LIN52: variants seen among roughly 807,000 people sequenced by gnomAD.
LIN52 encodes the protein lin-52 DREAM MuvB core complex component, also known as protein lin-52 homolog.
A neutral mutation model predicts 18.5 loss-of-function variants in LIN52; 4 were observed. That is an observed-to-expected ratio of 0.22 (90% CI 0.11 to 0.49). LIN52 has a LOEUF of 0.49. LIN52 is among the 20% of genes least tolerant of loss of function. The pLI is 0.97. For synonymous variants in LIN52, 34 were observed against 45.5 expected (o/e 0.75, Z 1.02); for missense variants, 102 against 139.5 (o/e 0.73, Z 1.35).
At chr14:74,138,003 A>G (rs1217266474) in intron 5 of LIN52, among the ~76,000 whole-genome samples, 2 of 151,982 alleles carry the variant, frequency 1.3e-5, no homozygotes, top group Non-Finnish European at 2.9e-5. Flanking sequence ...TCCAATAACT[A>G]CTCTATTCCA....
chr14:74,097,404 C>T (rs2060820435), intron 3 of LIN52, among the ~76,000 whole-genome samples: 1 of 149,666 alleles, frequency 6.7e-6, no homozygotes, highest in South Asian at 2.1e-4. Context: ...GGCTATGTGA[C>T]AAGCTGCATT....
At chr14:74,130,108 A>G (rs2061052123) in intron 5 of LIN52, among the ~76,000 whole-genome samples, 1 of 151,986 alleles carries the variant, frequency 6.6e-6, no homozygotes, top group Non-Finnish European at 1.5e-5. Flanking sequence ...CCCGTGATTC[A>G]GTTATCTCCC....
chr14:74,190,389 CTTTTT>C (rs68037994), intron 5 of LIN52, among the ~76,000 whole-genome samples: 3 of 106,304 alleles, frequency 2.8e-5, no homozygotes, highest in Admixed American at 1.1e-4. Context: ...GCCTAAATAA[CTTTTT>C]TTTTTTTTTT....
intron 5 of LIN52, among the ~76,000 whole-genome samples, chr14:74,141,653 G>T (rs116140046): frequency 1.2e-3 from 188 of 152,328 alleles, no homozygotes; most frequent in African/African-American, 4.1e-3. Context: ...GGGAGGTAGT[G>T]TGAGTCTTGT....
Position 74,111,382 on chromosome 14 carries a change from A to G in LIN52, c.283+10144A>G, listed in dbSNP as rs527957868. ...TAGCTCACTGCAGCCTTGACCTCCC[A>G]GGTTCAAGCAATCCTCCCAGCCCAG... On this transcript the variant is annotated intron_variant, in intron 5 of 5. Coordinates refer to ENST00000555028, the MANE Select transcript of LIN52 (RefSeq NM_001024674.3). Among the ~76,000 whole-genome samples the G allele has an allele frequency of 2.1e-4, 32 of 151,766 alleles. 1 individual carries two copies. In the South Asian group the frequency reaches 6.7e-3, roughly 32 times the overall value.
chr14:74,087,413 C>CAA (rs59052804), intron 1 of LIN52, among the ~76,000 whole-genome samples: 68 of 100,154 alleles, frequency 6.8e-4, no homozygotes, highest in Admixed American at 1.1e-3. Flanking sequence ...GACTCCATTG[C>CAA]AAAAAAAAAA....
rs1292927675 is a variant in LIN52 at position 74,199,043 on chromosome 14, A to G, written c.*66A>G. On this transcript the variant is annotated 3_prime_UTR_variant, in exon 6 of 6. Transcript: ENST00000555028. Reference sequence around the variant, plus strand: ...GCTCCCTTCCCGGTGCACCTCTAACAATGCACACCTCACTGCTTGCTTGGG... The same window carrying G: ...GCTCCCTTCCCGGTGCACCTCTAACGATGCACACCTCACTGCTTGCTTGGG... 6.4e-6 allele frequency: 7 copies of G among 1,097,266 alleles called. No individual in the cohort carries two copies. The highest frequency in any genetic ancestry group is 9.8e-6 in the Non-Finnish European group (7 of 714,086). 68.0% of individuals were successfully genotyped at this position (1,097,266 alleles called of 1,614,324 possible).
intron 5 of LIN52, among the ~76,000 whole-genome samples, chr14:74,153,011 A>G (rs11628859): frequency 6.6e-6 from 1 of 151,034 alleles, no homozygotes; most frequent in Non-Finnish European, 1.5e-5. Context: ...ATTTTTATGT[A>G]TCAGATACTT....
chr14:74,141,921 A>G (rs942020971), intron 5 of LIN52, among the ~76,000 whole-genome samples: 5 of 152,224 alleles, frequency 3.3e-5, no homozygotes, highest in Admixed American at 6.5e-5. Context: ...ATTTGTCAGC[A>G]CGTGGAAATG....
At chr14:74,185,829 C>T (rs953046755) in intron 5 of LIN52, among the ~76,000 whole-genome samples, 3 of 152,124 alleles carry the variant, frequency 2.0e-5, no homozygotes, top group Non-Finnish European at 4.4e-5. Context: ...ACACGATCAT[C>T]CCTCTCCCTA....
chr14:74,128,438 T>C (rs1243147502), intron 5 of LIN52, among the ~76,000 whole-genome samples: 3 of 152,106 alleles, frequency 2.0e-5, no homozygotes, highest in African/African-American at 7.2e-5. Flanking sequence ...TCCAAAAGGA[T>C]TGGAAGGAAC....
In LIN52 at chr14:74,199,691, A is replaced by G. The variant is rs1025966522; in HGVS notation, c.*714A>G. 6.6e-6 allele frequency: 1 copy of G among 152,222 alleles called. No homozygotes were observed. Among genetic ancestry groups the G allele is most frequent in the Non-Finnish European group, 1.5e-5 (1 of 68,040 alleles). 9.4% of individuals were successfully genotyped at this position (152,222 alleles called of 1,614,324 possible). Reference sequence around the variant, plus strand: ...GTGAAAGGCCCATCCAAGGTTGTCTAAAGACCAATGTGAAGGTGACAGAAA... The same window carrying G: ...GTGAAAGGCCCATCCAAGGTTGTCTGAAGACCAATGTGAAGGTGACAGAAA... On this transcript the variant is annotated 3_prime_UTR_variant, in exon 6 of 6. Transcript: ENST00000555028.
intron 2 of LIN52, among the ~76,000 whole-genome samples, chr14:74,095,245 G>A (rs1039986147): frequency 2.8e-5 from 4 of 140,412 alleles, no homozygotes; most frequent in African/African-American, 1.1e-4. Context: ...TCAACTTCCC[G>A]GGCTCAAGCC....
At chr14:74,113,756 A>G (rs2060945352) in intron 5 of LIN52, among the ~76,000 whole-genome samples, 1 of 152,094 alleles carries the variant, frequency 6.6e-6, no homozygotes, top group Admixed American at 6.6e-5. Flanking sequence ...AGATTTTACT[A>G]CAATTTTTTT....
Position 74,192,780 on chromosome 14 carries a change from G to A in LIN52, c.284-6142G>A, listed in dbSNP as rs549861090. ...CAGACACACCTGCACAGTTGGAAATGAGGATACAATTGATATGTTCCAGCA... is the reference window on the plus strand; with the variant it reads ...CAGACACACCTGCACAGTTGGAAATAAGGATACAATTGATATGTTCCAGCA... On this transcript the variant is annotated intron_variant, in intron 5 of 5. Coordinates refer to ENST00000555028, the MANE Select transcript of LIN52 (RefSeq NM_001024674.3). 2.2e-5 allele frequency: 5 copies of A among 231,250 alleles called. No homozygotes were observed. In the East Asian group the frequency reaches 6.1e-4, roughly 28 times the overall value. 14.3% of individuals were successfully genotyped at this position (231,250 alleles called of 1,614,324 possible). A position where few individuals can be genotyped will look rare whatever the true frequency, so the allele number is the denominator to read the frequency against.
intron 5 of LIN52, among the ~76,000 whole-genome samples, chr14:74,191,334 C>G (rs888809914): frequency 6.6e-5 from 10 of 152,292 alleles, no homozygotes; most frequent in Admixed American, 5.9e-4. Flanking sequence ...TTCCTAATAT[C>G]TAGTACATAG....
chr14:74,140,732 A>AG, intron 5 of LIN52, among the ~76,000 whole-genome samples: 1 of 152,188 alleles, frequency 6.6e-6, no homozygotes, highest in African/African-American at 2.4e-5. Context: ...TTACAAGAAG[A>AG]GGCTGGGTAT....
rs1368072118 is a variant in LIN52, at chr14:74,199,563, T to C, written c.*586T>C. On this transcript the variant is annotated 3_prime_UTR_variant, in exon 6 of 6. Transcript: ENST00000555028. ...TTTTTTAAAACTTCTATACCTCTTA[T>C]GATAGTCCCATTTGCTTTTCATTCC... 1 of 152,230 alleles carries C rather than the reference T, an allele frequency of 6.6e-6. No individual in the cohort carries two copies. Among genetic ancestry groups the C allele is most frequent in the Non-Finnish European group, 1.5e-5 (1 of 68,064 alleles). The allele number at this position is 152,230 out of a possible 1,614,324, so 9.4% of individuals were successfully genotyped here. A position where few individuals can be genotyped will look rare whatever the true frequency, so the allele number is the denominator to read the frequency against.
chr14:74,162,197 G>A (rs1165652975), intron 5 of LIN52, among the ~76,000 whole-genome samples: 2 of 151,998 alleles, frequency 1.3e-5, no homozygotes, highest in Non-Finnish European at 2.9e-5. Context: ...AAGCATAAGT[G>A]TGAATAAAAA....
Sources: gnomAD v4.1 joint callset for allele counts (sites outside exome capture counted in the v4.1 genomes callset) on GRCh38, gnomAD v4.1.1 for gene constraint, MANE v1.5 for transcripts, NCBI Gene and HGNC (gene_info 2026-07-23, HGNC 2026-07-21) for gene names.